Variants in ITSN1 observed in about 807,000 individuals in gnomAD.
ITSN1 encodes intersectin 1, also known as intersectin-1.
A neutral mutation model predicts 239.8 loss-of-function variants in ITSN1; 58 were observed. The ratio of observed to expected loss-of-function variants is 0.24; its 90% CI spans 0.20 to 0.30. The LOEUF (loss-of-function observed/expected upper bound fraction) is 0.30, where lower values mean the gene tolerates loss of function less well. ITSN1 is among the 10% of genes least tolerant of loss of function. The pLI is 1.00. For missense variants in ITSN1, 1,558 were observed against 2,103.3 expected, an observed-to-expected ratio of 0.74 and a Z score of 5.07; for synonymous variants, 780 against 770.8, an observed-to-expected ratio of 1.01 and a Z score of -0.20.
rs76911475 is a variant in ITSN1, at chr21:33,831,936, G to A, written c.3351+2191G>A. On this transcript the variant is annotated intron_variant, in intron 27 of 39. Transcript: ENST00000381318. ...GAGGGAGAGGCCTCCTTAGACCCTC[G>A]GGTCCCACTCCCTGCTTAGAGTTGT... Among the ~76,000 whole-genome samples the A allele has an allele frequency of 8.7e-3, 1,326 of 152,106 alleles. 19 individuals carry two copies. Among genetic ancestry groups the A allele is most frequent in the African/African-American group, 0.03 (1,256 of 41,484 alleles).
chr21:33,703,693 G>C (rs555951832), intron 1 of ITSN1, among the ~76,000 whole-genome samples: 3 of 152,290 alleles, frequency 2.0e-5, no homozygotes, highest in Non-Finnish European at 1.5e-5. Flanking sequence ...GGTTGCCTTC[G>C]GAGAGTGGAA....
intron 29 of ITSN1, among the ~76,000 whole-genome samples, chr21:33,853,477 G>A (rs1310603888): frequency 1.3e-5 from 2 of 152,172 alleles, no homozygotes; most frequent in East Asian, 3.9e-4. Context: ...CTGTTGCTCT[G>A]GCTCTGAGCT....
intron 33 of ITSN1, among the ~76,000 whole-genome samples, chr21:33,873,246 C>T (rs550847775): frequency 3.9e-5 from 6 of 152,332 alleles, no homozygotes; most frequent in South Asian, 2.1e-4. Flanking sequence ...CTTTAAACCA[C>T]GGTATGCCTT....
intron 4 of ITSN1, among the ~76,000 whole-genome samples, chr21:33,727,109 A>T (rs955969030): frequency 6.6e-6 from 1 of 152,170 alleles, no homozygotes; most frequent in Non-Finnish European, 1.5e-5. Context: ...GGATGGAGTC[A>T]AGTCAGTGTG....
intron 26 of ITSN1, chr21:33,829,335 G>A: frequency 2.6e-6 from 1 of 386,500 alleles, no homozygotes; most frequent in Non-Finnish European, 4.8e-6. Context: ...CCAGGAGTGG[G>A]CAAGGAGCGG....
chr21:33,887,710 A>G (rs1272611349), intron 39 of ITSN1, among the ~76,000 whole-genome samples: 1 of 152,180 alleles, frequency 6.6e-6, no homozygotes, highest in African/African-American at 2.4e-5. Flanking sequence ...GGCTCAAGCA[A>G]TCCTCCTGCC....
intron 29 of ITSN1, among the ~76,000 whole-genome samples, chr21:33,844,916 G>A (rs1033428984): frequency 6.6e-6 from 1 of 151,892 alleles, no homozygotes; most frequent in South Asian, 2.1e-4. Context: ...CGTCCTGTCC[G>A]CCTCCCCTTC....
intron 6 of ITSN1, among the ~76,000 whole-genome samples, chr21:33,751,013 T>C (rs187787214): frequency 2.6e-5 from 4 of 152,392 alleles, no homozygotes; most frequent in African/African-American, 2.4e-5. Flanking sequence ...AGCATCATAC[T>C]TGAAACATTT....
intron 5 of ITSN1, among the ~76,000 whole-genome samples, chr21:33,748,824 C>T (rs934107491): frequency 2.6e-5 from 4 of 151,942 alleles, no homozygotes; most frequent in African/African-American, 9.7e-5. Context: ...ATGATCATGC[C>T]ATTTCACTCT....
chr21:33,693,107 A>G (rs1023841810), intron 1 of ITSN1, among the ~76,000 whole-genome samples: 1 of 152,038 alleles, frequency 6.6e-6, no homozygotes, highest in African/African-American at 2.4e-5. Flanking sequence ...AGTAAAATCT[A>G]TTTCTATGAA....
In ITSN1 at chr21:33,689,953, C is replaced by T. The variant is rs140871432; in HGVS notation, c.-32-28844C>T. The stretch of plus-strand genomic sequence containing the variant: ...ACTGCATTCCAGCATGGGCGACAGA[C>T]CAAGACTCTGTCTCAAAAAAAAAAA... On this transcript the variant is annotated intron_variant, in intron 1 of 39. Coordinates refer to ENST00000381318, the MANE Select transcript of ITSN1 (RefSeq NM_003024.3). 7.5e-3 allele frequency among the ~76,000 whole-genome samples: 1,024 copies of T among 137,096 alleles called. 11 individuals are homozygous for T. Among genetic ancestry groups the T allele is most frequent in the African/African-American group, 0.027 (972 of 36,476 alleles). The allele number at this position is 137,096 out of a possible 152,430, so 89.9% of individuals were successfully genotyped here.
rs1332335022 is a variant in ITSN1 at position 33,888,889 on chromosome 21, C to T, written c.*589C>T. On this transcript the variant is annotated 3_prime_UTR_variant, in exon 40 of 40. Coordinates refer to ENST00000381318, the MANE Select transcript of ITSN1 (RefSeq NM_003024.3). ...TGGCTTAGCTCTTTGAAGAGCTGGT[C>T]TATGGAAGTTTCCAGCATGTGCACC... 1 of 152,322 alleles carries T rather than the reference C, an allele frequency of 6.6e-6. No homozygotes were observed. The highest frequency in any genetic ancestry group is 1.5e-5 in the Non-Finnish European group (1 of 68,154). 9.4% of individuals were successfully genotyped at this position (152,322 alleles called of 1,614,324 possible).
intron 1 of ITSN1, among the ~76,000 whole-genome samples, chr21:33,675,801 T>C (rs2090555500): frequency 6.6e-6 from 1 of 152,228 alleles, no homozygotes; most frequent in African/African-American, 2.4e-5. Context: ...CGTTTAAATT[T>C]CTTTTGAATT....
intron 39 of ITSN1, among the ~76,000 whole-genome samples, chr21:33,887,491 G>A (rs1020375511): frequency 3.3e-5 from 5 of 152,144 alleles, no homozygotes; most frequent in African/African-American, 9.7e-5. Flanking sequence ...TTAGGTACTC[G>A]TTGTGGTAGC....
intron 1 of ITSN1, among the ~76,000 whole-genome samples, chr21:33,666,129 C>G (rs572940533): frequency 1.3e-5 from 2 of 152,124 alleles, no homozygotes; most frequent in Non-Finnish European, 2.9e-5. Flanking sequence ...CAGGGTTTCA[C>G]CATGTTGGTC....
rs147216792 is a variant in ITSN1 at position 33,883,678 on chromosome 21, C to G, written c.4676+7C>G. 6.2e-7 allele frequency: 1 copy of G among 1,612,180 alleles called. No homozygotes were observed. Among genetic ancestry groups the G allele is most frequent in the Non-Finnish European group, 8.5e-7 (1 of 1,178,722 alleles). On this transcript the variant is annotated splice_region_variant and intron_variant, in intron 36 of 39. Coordinates refer to ENST00000381318, the MANE Select transcript of ITSN1 (RefSeq NM_003024.3). ...CAGAAAGCATAAATGAAAGGTGAGA[C>G]CTGCCGCCTCCCCAGCATGGGCCCC...
chr21:33,713,537 G>T (rs191878001), intron 1 of ITSN1, among the ~76,000 whole-genome samples: 4 of 151,036 alleles, frequency 2.6e-5, no homozygotes, highest in African/African-American at 4.9e-5. Context: ...CACCACTCCC[G>T]GTCTCAACAT....
At chr21:33,734,996 G>C (rs773007015) in intron 4 of ITSN1, 48 bp from the exon 5 acceptor site, 1 of 1,543,288 alleles carries the variant, frequency 6.5e-7, no homozygotes, top group South Asian at 1.3e-5. Flanking sequence ...TTTTGGAAAG[G>C]TTCTTTTATG....
chr21:33,890,921 T>G lies in ITSN1; in HGVS notation c.*2621T>G, dbSNP rs1008718087. 6.6e-6 allele frequency: 1 copy of G among 152,570 alleles called. No individual in the cohort carries two copies. The highest frequency in any genetic ancestry group is 2.4e-5 in the African/African-American group (1 of 41,458). 9.5% of individuals were successfully genotyped at this position (152,570 alleles called of 1,614,324 possible). A position where few individuals can be genotyped will look rare whatever the true frequency, so the allele number is the denominator to read the frequency against. ...CACTGCTAGCTTCTCCTGCACACTCTGATCTCCTTTAGCCCAAGAAGGGGC... is the reference window on the plus strand; with the variant it reads ...CACTGCTAGCTTCTCCTGCACACTCGGATCTCCTTTAGCCCAAGAAGGGGC... On this transcript the variant is annotated 3_prime_UTR_variant, in exon 40 of 40. Transcript: ENST00000381318.
Sources: allele counts gnomAD v4.1 joint callset (sites outside exome capture counted in the v4.1 genomes callset), GRCh38; gene constraint gnomAD v4.1.1; transcripts MANE v1.5; gene names NCBI Gene and HGNC (gene_info 2026-07-23, HGNC 2026-07-21).